Variants in LRRC28 observed in about 807,000 individuals in gnomAD.
LRRC28 encodes the protein leucine rich repeat containing 28, also known as leucine-rich repeat-containing protein 28.
Under a neutral mutation model 45.7 loss-of-function variants are expected in LRRC28, and 39 were observed. The ratio of observed to expected loss-of-function variants is 0.85; its 90% CI spans 0.66 to 1.12. The LOEUF is 1.12. Among genes scored for constraint, LRRC28 ranks in the 50% most tolerant of loss-of-function variants. The probability of loss-of-function intolerance (pLI) is 0.00; values close to 1 mark genes in which losing one functional copy is unlikely to be tolerated. For missense variants in LRRC28, 435 were observed against 438.5 expected (o/e 0.99, Z 0.07); for synonymous variants, 206 against 178.8 (o/e 1.15, Z -1.22).
chr15:99,326,264 T>G (rs905726145), intron 5 of LRRC28, among the ~76,000 whole-genome samples: 11 of 152,222 alleles, frequency 7.2e-5, no homozygotes, highest in Non-Finnish European at 1.2e-4. Flanking sequence ...GTATACTTTC[T>G]TACCTGGAAA....
chr15:99,262,879 G>C (rs2081235521), intron 2 of LRRC28, among the ~76,000 whole-genome samples: 1 of 151,682 alleles, frequency 6.6e-6, no homozygotes, highest in South Asian at 2.1e-4. Context: ...CAAACTCCTG[G>C]GCTCAAGTGA....
At chr15:99,333,872 T>A in intron 5 of LRRC28, 51 bp from the exon 6 acceptor site, 1 of 1,565,016 alleles carries the variant, frequency 6.4e-7, no homozygotes, top group Non-Finnish European at 8.8e-7. Context: ...TCATTTTGTT[T>A]ATTTCAGTTC....
At chr15:99,297,971 T>G (rs185018780) in intron 5 of LRRC28, among the ~76,000 whole-genome samples, 2 of 152,188 alleles carry the variant, frequency 1.3e-5, no homozygotes, top group African/African-American at 2.4e-5. Context: ...AAATACTCCT[T>G]TTTAGGAAAA....
intron 5 of LRRC28, among the ~76,000 whole-genome samples, chr15:99,332,541 A>G (rs910391388): frequency 2.0e-5 from 3 of 152,214 alleles, no homozygotes; most frequent in Non-Finnish European, 4.4e-5. Context: ...TTTTCTGTAA[A>G]TGGCCAGATA....
At chr15:99,269,125 T>C (rs561154335) in intron 2 of LRRC28, among the ~76,000 whole-genome samples, 2 of 152,334 alleles carry the variant, frequency 1.3e-5, no homozygotes, top group African/African-American at 2.4e-5. Context: ...GTTAAAAATA[T>C]CAGTCTTGAT....
intron 2 of LRRC28, chr15:99,259,974 A>G: frequency 1.6e-6 from 1 of 643,540 alleles, no homozygotes; most frequent in Non-Finnish European, 2.9e-6. Flanking sequence ...GATGAAGAAA[A>G]ACAAGAAACA....
chr15:99,376,562 T>A (rs1256448190), intron 9 of LRRC28, among the ~76,000 whole-genome samples: 1 of 152,196 alleles, frequency 6.6e-6, no homozygotes, highest in Non-Finnish European at 1.5e-5. Flanking sequence ...TACTGTAAGT[T>A]CTAGGGTACA....
chr15:99,268,429 C>A (rs1226935409), intron 2 of LRRC28, among the ~76,000 whole-genome samples: 1 of 152,062 alleles, frequency 6.6e-6, no homozygotes, highest in Non-Finnish European at 1.5e-5. Context: ...TTAGAACAGA[C>A]CATTATCTTG....
At chr15:99,285,756 T>A (rs1368967193) in intron 3 of LRRC28, 1 of 528,466 alleles carries the variant, frequency 1.9e-6, no homozygotes, top group Non-Finnish European at 3.5e-6. Context: ...CATTTTAACG[T>A]CTTTTTTATA....
chr15:99,366,457 C>T (rs1290673805), intron 9 of LRRC28, among the ~76,000 whole-genome samples: 1 of 152,190 alleles, frequency 6.6e-6, no homozygotes, highest in African/African-American at 2.4e-5. Flanking sequence ...TCAGCACAGG[C>T]TGCCATAACA....
rs1038700216 is a variant in LRRC28 at position 99,387,604 on chromosome 15, G to T, written c.*1502G>T. ...AAAGAACTCTTCATGAAGAAGTCAC[G>T]TATTTGCTCTTCCTTTCAAAGGATG... is the stretch of plus-strand genomic sequence containing the variant. On this transcript the variant is annotated 3_prime_UTR_variant, in exon 10 of 10. Coordinates refer to ENST00000301981, the MANE Select transcript of LRRC28 (RefSeq NM_144598.5). 1 of 152,160 alleles carries T rather than the reference G, an allele frequency of 6.6e-6. No individual in the cohort carries two copies. The highest frequency in any genetic ancestry group is 1.5e-5 in the Non-Finnish European group (1 of 68,032). The allele number at this position is 152,160 out of a possible 1,614,324, so 9.4% of individuals were successfully genotyped here.
At chr15:99,287,610 G>T (rs562776925) in intron 4 of LRRC28, among the ~76,000 whole-genome samples, 1 of 152,102 alleles carries the variant, frequency 6.6e-6, no homozygotes, top group East Asian at 1.9e-4. Flanking sequence ...TTTTATTTGT[G>T]CTGTATTTTA....
intron 2 of LRRC28, chr15:99,258,704 A>G (rs887605567): frequency 5.6e-6 from 4 of 711,978 alleles, no homozygotes; most frequent in Non-Finnish European, 1.1e-5. Flanking sequence ...ATCATTTTCA[A>G]AGGAAAGTGA....
chr15:99,296,484 A>G (rs2082266486), intron 5 of LRRC28, among the ~76,000 whole-genome samples: 1 of 152,206 alleles, frequency 6.6e-6, no homozygotes. Context: ...TGGGAGACTC[A>G]GCTTTTCACT....
At chr15:99,353,497 G>T (rs1441443099) in intron 7 of LRRC28, among the ~76,000 whole-genome samples, 3 of 152,170 alleles carry the variant, frequency 2.0e-5, no homozygotes, top group African/African-American at 7.2e-5. Flanking sequence ...TGAACTCCAA[G>T]CTGAGAGATG....
At chr15:99,361,214 G>A in intron 7 of LRRC28, 122 bp from the exon 8 acceptor site, 1 of 1,220,866 alleles carries the variant, frequency 8.2e-7, no homozygotes, top group African/African-American at 1.5e-5. Flanking sequence ...ACTTTGAAAA[G>A]AATTCTGGCA....
intron 5 of LRRC28, among the ~76,000 whole-genome samples, chr15:99,300,060 A>G (rs1051644445): frequency 3.9e-5 from 6 of 152,202 alleles, no homozygotes; most frequent in East Asian, 1.9e-4. Context: ...TAAATTTCAG[A>G]AGTTTGGCAT....
At chr15:99,315,619 A>G (rs551544795) in intron 5 of LRRC28, among the ~76,000 whole-genome samples, 91 of 152,226 alleles carry the variant, frequency 6.0e-4, no homozygotes, top group Non-Finnish European at 1.1e-3. Context: ...TTTTCCAGCT[A>G]TTACCTGGTT....
chr15:99,305,647 CT>C (rs1248582093), intron 5 of LRRC28, among the ~76,000 whole-genome samples: 2 of 152,198 alleles, frequency 1.3e-5, no homozygotes, highest in East Asian at 3.9e-4. Flanking sequence ...TAGCTACTAT[CT>C]TTTTTTAAAA....
Sources: gnomAD v4.1 joint callset for allele counts (sites outside exome capture counted in the v4.1 genomes callset) on GRCh38, gnomAD v4.1.1 for gene constraint, MANE v1.5 for transcripts, NCBI Gene and HGNC (gene_info 2026-07-23, HGNC 2026-07-21) for gene names.